Variants in ESRRG observed in about 807,000 individuals in gnomAD.
The protein encoded by ESRRG is estrogen-related receptor gamma.
Under a neutral mutation model 44.0 loss-of-function variants are expected in ESRRG, and 13 were observed. That is an observed-to-expected ratio of 0.30 (90% CI 0.19 to 0.47). The LOEUF is 0.47. Ranked by LOEUF, ESRRG falls within the 20% of genes least tolerant of loss-of-function variation. The probability of loss-of-function intolerance (pLI) is 1.00; values close to 1 mark genes in which losing one functional copy is unlikely to be tolerated. For missense variants in ESRRG, 395 were observed against 580.6 expected, an observed-to-expected ratio of 0.68 and a Z score of 3.29; for synonymous variants, 215 against 214.6, an observed-to-expected ratio of 1.00 and a Z score of -0.02.
chr1:217,125,489 A>T (rs2092878141), intron 1 of ESRRG, among the ~76,000 whole-genome samples: 1 of 152,186 alleles, frequency 6.6e-6, no homozygotes, highest in South Asian at 2.1e-4. Flanking sequence ...TTCCCTCCAT[A>T]GATTGTGAGT....
At chr1:216,645,882 A>G (rs972921005) in intron 3 of ESRRG, among the ~76,000 whole-genome samples, 2 of 151,380 alleles carry the variant, frequency 1.3e-5, no homozygotes, top group Non-Finnish European at 2.9e-5. Flanking sequence ...AAAAAAAAAA[A>G]AAAAAAAAAA....
At chr1:216,759,544 C>A (rs2092656100) in intron 2 of ESRRG, among the ~76,000 whole-genome samples, 1 of 152,056 alleles carries the variant, frequency 6.6e-6, no homozygotes, top group African/African-American at 2.4e-5. Context: ...TCAATTTCCA[C>A]CTGCTCCCAA....
chr1:216,815,443 T>G (rs916376778), intron 2 of ESRRG, among the ~76,000 whole-genome samples: 1 of 152,202 alleles, frequency 6.6e-6, no homozygotes, highest in African/African-American at 2.4e-5. Context: ...AATTGTTGGT[T>G]TGGCATTATC....
chr1:216,878,762 T>A (rs2096396828), intron 2 of ESRRG, among the ~76,000 whole-genome samples: 1 of 152,178 alleles, frequency 6.6e-6, no homozygotes, highest in Non-Finnish European at 1.5e-5. Flanking sequence ...TTCAAAATGT[T>A]CAAAATAGGC....
At chr1:216,644,530 G>A (rs953741393) in intron 3 of ESRRG, among the ~76,000 whole-genome samples, 1 of 147,864 alleles carries the variant, frequency 6.8e-6, no homozygotes, top group Non-Finnish European at 1.5e-5. Flanking sequence ...CCAAGCTCAA[G>A]CCATCCTCCC....
chr1:217,118,560 A>T (rs1212357300), intron 1 of ESRRG, among the ~76,000 whole-genome samples: 3 of 152,220 alleles, frequency 2.0e-5, no homozygotes, highest in South Asian at 2.1e-4. Flanking sequence ...CACATTAGAA[A>T]GGGATTATAC....
intron 5 of ESRRG, among the ~76,000 whole-genome samples, chr1:216,562,597 G>A (rs188708940): frequency 1.3e-5 from 2 of 152,186 alleles, no homozygotes; most frequent in Admixed American, 6.5e-5. Context: ...AGTGGGTAGA[G>A]GCCATGGGTG....
chr1:216,826,078 T>G (rs1303513588), intron 2 of ESRRG, among the ~76,000 whole-genome samples: 1 of 151,960 alleles, frequency 6.6e-6, no homozygotes, highest in East Asian at 1.9e-4. Flanking sequence ...TATCTAAAAT[T>G]CTCATCTTCA....
rs572801580 is a variant in ESRRG at position 216,723,405 on chromosome 1, G to A, written c.-106C>T. ...TGTTCTCCTAGTGACAAGCCTATAG[G>A]CACAGCCAGTTGGGACCAAAGCTCT... On this transcript the variant is annotated 5_prime_UTR_variant, in exon 1 of 7. Transcript: ENST00000408911. 58 of 1,053,258 alleles carry A rather than the reference G, an allele frequency of 5.5e-5. 1 individual carries two copies. The East Asian group carries it at 1.3e-3, about 23-fold the overall frequency. 65.2% of individuals were successfully genotyped at this position (1,053,258 alleles called of 1,614,324 possible).
At chr1:217,099,853 T>C (rs572533014) in intron 1 of ESRRG, among the ~76,000 whole-genome samples, 117 of 152,130 alleles carry the variant, frequency 7.7e-4, no homozygotes, top group Non-Finnish European at 1.5e-3. Flanking sequence ...GGGGTGATGA[T>C]GGCCCATCAA....
chr1:217,052,527 C>T (rs2086250207), intron 1 of ESRRG, among the ~76,000 whole-genome samples: 1 of 152,208 alleles, frequency 6.6e-6, no homozygotes, highest in Admixed American at 6.5e-5. Context: ...CACTCCCCAT[C>T]TTTCTAAAAG....
chr1:216,963,512 C>G (rs1052672010), intron 1 of ESRRG, among the ~76,000 whole-genome samples: 1 of 152,096 alleles, frequency 6.6e-6, no homozygotes, highest in Non-Finnish European at 1.5e-5. Flanking sequence ...CAGAGTCAAG[C>G]CACGTAATTC....
chr1:216,792,625 T>C (rs557023435), intron 2 of ESRRG, among the ~76,000 whole-genome samples: 1 of 152,220 alleles, frequency 6.6e-6, no homozygotes, highest in Non-Finnish European at 1.5e-5. Context: ...TGCTATTTAA[T>C]AGACTACTTT....
At chr1:216,649,583 TTA>T (rs956745055) in intron 3 of ESRRG, among the ~76,000 whole-genome samples, 9 of 151,844 alleles carry the variant, frequency 5.9e-5, no homozygotes, top group African/African-American at 1.7e-4. Context: ...AAACTTGTTC[TTA>T]TATATATATT....
intron 2 of ESRRG, among the ~76,000 whole-genome samples, chr1:216,777,088 G>A (rs1375232815): frequency 6.6e-6 from 1 of 152,138 alleles, no homozygotes; most frequent in African/African-American, 2.4e-5. Context: ...TGATCCATGG[G>A]AAGGGCATAA....
At chr1:217,073,701 A>G (rs1416974421) in intron 1 of ESRRG, among the ~76,000 whole-genome samples, 1 of 152,088 alleles carries the variant, frequency 6.6e-6, no homozygotes, top group Admixed American at 6.6e-5. Flanking sequence ...GGGACAATAT[A>G]TAAGAGCTGG....
chr1:216,801,688 T>C (rs11572601), intron 2 of ESRRG, among the ~76,000 whole-genome samples: 1,977 of 152,262 alleles, frequency 0.013, 56 homozygotes, highest in African/African-American at 0.045. Context: ...CCCTAATGAT[T>C]AGTGACGTTG....
In ESRRG at chr1:216,675,380, G is replaced by A. The variant is rs534684962; in HGVS notation, c.472+1696C>T. 3.9e-5 allele frequency among the ~76,000 whole-genome samples: 6 copies of A among 152,118 alleles called. No individual in the cohort carries two copies. The South Asian group carries it at 1.2e-3, about 32-fold the overall frequency. ...TGCCTCAAAAAGAAAAAAAAAAGGG[G>A]GAGAAGGTGGGAGACTGCTCTATGT... On this transcript the variant is annotated intron_variant, in intron 2 of 6. Transcript: ENST00000408911.
At chr1:216,857,151 C>T (rs1276536589) in intron 2 of ESRRG, among the ~76,000 whole-genome samples, 3 of 151,990 alleles carry the variant, frequency 2.0e-5, no homozygotes, top group South Asian at 2.1e-4. Flanking sequence ...TATGCAAGAA[C>T]GACCCCCTTT....
Sources: gnomAD v4.1 joint callset for allele counts (sites outside exome capture counted in the v4.1 genomes callset) on GRCh38, gnomAD v4.1.1 for gene constraint, MANE v1.5 for transcripts, NCBI Gene and HGNC (gene_info 2026-07-23, HGNC 2026-07-21) for gene names.